The following CPEB3 variants were observed in gnomAD, a reference collection of about 807,000 sequenced individuals.
CPEB3 encodes cytoplasmic polyadenylation element-binding protein 3.
Under a neutral mutation model 67.2 loss-of-function variants are expected in CPEB3, and 20 were observed. The ratio of observed to expected loss-of-function variants is 0.30; its 90% CI spans 0.21 to 0.43. CPEB3 has a LOEUF of 0.43. Among genes scored for constraint, CPEB3 ranks in the 20% least tolerant of loss-of-function variants. CPEB3 has a pLI of 1.00. For missense variants in CPEB3, 746 were observed against 968.6 expected, an observed-to-expected ratio of 0.77 and a Z score of 3.05; for synonymous variants, 376 against 393.1, an observed-to-expected ratio of 0.96 and a Z score of 0.51.
chr10:92,289,755 A>ATG (rs1842736245), intron 1 of CPEB3, among the ~76,000 whole-genome samples: 3 of 130,846 alleles, frequency 2.3e-5, no homozygotes, highest in Non-Finnish European at 4.8e-5. Context: ...ATATATATAT[A>ATG]TATGTATTAT....
At chr10:92,206,494 T>C (rs1321866588) in intron 2 of CPEB3, among the ~76,000 whole-genome samples, 1 of 152,024 alleles carries the variant, frequency 6.6e-6, no homozygotes, top group Non-Finnish European at 1.5e-5. Context: ...AGTACATCTG[T>C]AGCCTCCAGC....
intron 6 of CPEB3, chr10:92,137,213 T>C (rs1479039870): frequency 4.3e-6 from 2 of 462,654 alleles, no homozygotes; most frequent in Non-Finnish European, 8.0e-6. Flanking sequence ...AAGGTGGTCA[T>C]GACACTAGGA....
chr10:92,166,270 G>C (rs1241105896), intron 4 of CPEB3, among the ~76,000 whole-genome samples: 1 of 151,892 alleles, frequency 6.6e-6, no homozygotes, highest in African/African-American at 2.4e-5. Flanking sequence ...CACCATGCAC[G>C]GCTAATTTTT....
chr10:92,105,514 TCTC>T (rs1344835324), intron 7 of CPEB3, among the ~76,000 whole-genome samples: 3 of 152,136 alleles, frequency 2.0e-5, no homozygotes, highest in African/African-American at 7.2e-5. Context: ...AACTCCACAT[TCTC>T]CTCATCCTTC....
intron 4 of CPEB3, among the ~76,000 whole-genome samples, chr10:92,168,369 AG>A (rs1847842358): frequency 6.6e-6 from 1 of 152,226 alleles, no homozygotes; most frequent in South Asian, 2.1e-4. Context: ...ACCTTAATAA[AG>A]ATATTATGAG....
intron 7 of CPEB3, among the ~76,000 whole-genome samples, chr10:92,098,179 A>G (rs1843981642): frequency 6.7e-6 from 1 of 149,194 alleles, no homozygotes; most frequent in Non-Finnish European, 1.5e-5. Context: ...AAAAAAAAAA[A>G]AAAAAAAAAA....
chr10:92,094,329 G>T (rs547366118), intron 7 of CPEB3, among the ~76,000 whole-genome samples: 1 of 151,942 alleles, frequency 6.6e-6, no homozygotes, highest in East Asian at 2.0e-4. Context: ...CTGGCTGGGC[G>T]CTGTGGCTCA....
intron 6 of CPEB3, among the ~76,000 whole-genome samples, chr10:92,139,954 TC>T (rs1403615044): frequency 6.6e-6 from 1 of 151,684 alleles, no homozygotes; most frequent in Non-Finnish European, 1.5e-5. Context: ...AAGCCTGTAG[TC>T]CCAGCTACTC....
At chr10:92,218,783 C>T (rs1850557167) in intron 2 of CPEB3, among the ~76,000 whole-genome samples, 1 of 152,032 alleles carries the variant, frequency 6.6e-6, no homozygotes, top group African/African-American at 2.4e-5. Context: ...CAGGTCCTGA[C>T]CTCACAGCAG....
chr10:92,148,200 G>A (rs1352709718), intron 4 of CPEB3, among the ~76,000 whole-genome samples: 2 of 152,090 alleles, frequency 1.3e-5, no homozygotes, highest in Non-Finnish European at 2.9e-5. Flanking sequence ...ACTGTGAACT[G>A]CAAGGCCTCT....
At chr10:92,055,184 G>C (rs549928782) in intron 9 of CPEB3, among the ~76,000 whole-genome samples, 2 of 152,228 alleles carry the variant, frequency 1.3e-5, no homozygotes, top group East Asian at 3.8e-4. Flanking sequence ...TGAAAATGCA[G>C]TATTAATAAA....
chr10:92,246,448 T>C (rs1402842638), intron 1 of CPEB3, among the ~76,000 whole-genome samples: 3 of 152,278 alleles, frequency 2.0e-5, no homozygotes, highest in African/African-American at 7.2e-5. Context: ...AAAATAATCC[T>C]TCATAACATC....
chr10:92,078,437 G>A (rs936770941), intron 9 of CPEB3, among the ~76,000 whole-genome samples: 3 of 152,140 alleles, frequency 2.0e-5, no homozygotes, highest in African/African-American at 7.2e-5. Flanking sequence ...ACCATCCCCA[G>A]GAAGGAGTTA....
At chr10:92,118,755 G>A (rs1162596829) in intron 6 of CPEB3, 4 of 750,830 alleles carry the variant, frequency 5.3e-6, no homozygotes, top group Non-Finnish European at 9.9e-6. Context: ...GGAACCACAG[G>A]CAAACAAGAG....
At chr10:92,236,671 A>T (rs1971471) in intron 2 of CPEB3, among the ~76,000 whole-genome samples, 1 of 151,984 alleles carries the variant, frequency 6.6e-6, no homozygotes, top group African/African-American at 2.4e-5. Flanking sequence ...ATTGCTTGAA[A>T]CCGGGAGGCA....
chr10:92,210,420 A>G (rs1436925582), intron 2 of CPEB3, among the ~76,000 whole-genome samples: 1 of 152,250 alleles, frequency 6.6e-6, no homozygotes, highest in African/African-American at 2.4e-5. Flanking sequence ...TGAAACTGTG[A>G]AAAAGGAAAG....
intron 1 of CPEB3, among the ~76,000 whole-genome samples, chr10:92,280,747 T>A (rs1275794360): frequency 7.1e-6 from 1 of 140,952 alleles, no homozygotes; most frequent in African/African-American, 2.8e-5. Context: ...ACGGTGAGCA[T>A]CTATTCTTTT....
intron 3 of CPEB3, among the ~76,000 whole-genome samples, chr10:92,184,727 A>G (rs1848611689): frequency 2.6e-5 from 4 of 152,232 alleles, no homozygotes. Context: ...AAAATCATTC[A>G]CAGCATCTTT....
chr10:92,166,476 A>G (rs1847751912), intron 4 of CPEB3, among the ~76,000 whole-genome samples: 1 of 152,174 alleles, frequency 6.6e-6, no homozygotes, highest in Non-Finnish European at 1.5e-5. Context: ...TGGGCTGTAG[A>G]ATGGATGACG....
Sources: gnomAD v4.1 joint callset for allele counts (sites outside exome capture counted in the v4.1 genomes callset) on GRCh38, gnomAD v4.1.1 for gene constraint, MANE v1.5 for transcripts, NCBI Gene and HGNC (gene_info 2026-07-23, HGNC 2026-07-21) for gene names.